The following SLC2A13 variants were observed in gnomAD, a reference collection of about 807,000 sequenced individuals.
SLC2A13 encodes the protein solute carrier family 2 member 13.
Under a neutral mutation model 64.4 loss-of-function variants are expected in SLC2A13, and 32 were observed. That is an observed-to-expected ratio of 0.50 (90% CI 0.37 to 0.67). The LOEUF (loss-of-function observed/expected upper bound fraction) is 0.67, where lower values mean the gene tolerates loss of function less well. Among genes scored for constraint, SLC2A13 ranks in the 30% least tolerant of loss-of-function variants. SLC2A13 has a pLI of 0.00. For missense variants in SLC2A13, 743 were observed against 829.2 expected, an observed-to-expected ratio of 0.90 and a Z score of 1.28; for synonymous variants, 338 against 327.1, an observed-to-expected ratio of 1.03 and a Z score of -0.36.
Position 39,951,365 on chromosome 12 carries a change from G to A in SLC2A13, c.926C>T (p.Ala309Val). The A allele has an allele frequency of 6.5e-7, 1 of 1,536,954 alleles. No homozygotes were observed. The highest frequency in any genetic ancestry group is 8.7e-7 in the Non-Finnish European group (1 of 1,148,514). ...IEEEEKEVGS[A>V]GPVICRMLSY... ...CAGCATTCTGCAGATCACAGGTCCAGCTTTTTTAAGAAAGAAAGAAAAAAA... is the reference window on the plus strand; with the variant it reads ...CAGCATTCTGCAGATCACAGGTCCAACTTTTTTAAGAAAGAAAGAAAAAAA... The change falls in exon 4 of 10, where the codon GCT (alanine) becomes GTT (valine). Residue 309 changes from alanine to valine, a missense_variant and splice_region_variant. Ala to Val is a moderately conservative substitution (Grantham distance 64). Coordinates refer to ENST00000280871, the MANE Select transcript of SLC2A13 (RefSeq NM_052885.4).
At chr12:39,770,722 A>T (rs1473400287) in intron 7 of SLC2A13, among the ~76,000 whole-genome samples, 1 of 152,152 alleles carries the variant, frequency 6.6e-6, no homozygotes, top group Non-Finnish European at 1.5e-5. Context: ...GCCCCTCATG[A>T]CATTTCTATT....
chr12:40,097,363 C>G (rs1011226449), intron 1 of SLC2A13, among the ~76,000 whole-genome samples: 2 of 151,796 alleles, frequency 1.3e-5, no homozygotes, highest in Admixed American at 6.6e-5. Flanking sequence ...GTGTGTTTAG[C>G]AAAAACAAAT....
At chr12:39,956,192 T>C (rs1461437099) in intron 3 of SLC2A13, among the ~76,000 whole-genome samples, 1 of 152,082 alleles carries the variant, frequency 6.6e-6, no homozygotes, top group Non-Finnish European at 1.5e-5. Flanking sequence ...ATAGCCTGAG[T>C]AGCCAGCCCT....
intron 4 of SLC2A13, among the ~76,000 whole-genome samples, chr12:39,883,948 G>A (rs1944408226): frequency 6.6e-6 from 1 of 152,056 alleles, no homozygotes; most frequent in East Asian, 1.9e-4. Flanking sequence ...AAAACGTTTA[G>A]ACAGACTATC....
intron 7 of SLC2A13, among the ~76,000 whole-genome samples, chr12:39,809,324 G>A (rs1293926772): frequency 2.0e-5 from 3 of 152,106 alleles, no homozygotes; most frequent in Admixed American, 1.3e-4. Flanking sequence ...TTTATAGTAA[G>A]TCTTGAAATC....
chr12:40,015,623 C>G (rs1411249877), intron 3 of SLC2A13, among the ~76,000 whole-genome samples: 1 of 152,210 alleles, frequency 6.6e-6, no homozygotes, highest in African/African-American at 2.4e-5. Flanking sequence ...CAACACTCTC[C>G]CTCCTCCACT....
chr12:39,942,253 G>A (rs1475130107), intron 4 of SLC2A13, among the ~76,000 whole-genome samples: 2 of 152,064 alleles, frequency 1.3e-5, no homozygotes, highest in African/African-American at 2.4e-5. Context: ...GAAGAATGAT[G>A]GTGGTAGTCT....
At chr12:39,838,583 A>G (rs1943090702) in intron 6 of SLC2A13, among the ~76,000 whole-genome samples, 2 of 151,916 alleles carry the variant, frequency 1.3e-5, no homozygotes, top group African/African-American at 2.4e-5. Context: ...TATTTAGAAC[A>G]AAACTGGCTC....
intron 4 of SLC2A13, among the ~76,000 whole-genome samples, chr12:39,892,193 C>T (rs1944629473): frequency 6.6e-6 from 1 of 152,184 alleles, no homozygotes; most frequent in Admixed American, 6.5e-5. Context: ...GCAGCCATAG[C>T]TATATTTCTG....
intron 1 of SLC2A13, among the ~76,000 whole-genome samples, chr12:40,061,464 A>G (rs994123779): frequency 2.6e-5 from 4 of 152,146 alleles, no homozygotes; most frequent in African/African-American, 9.6e-5. Flanking sequence ...CTAGAAATAT[A>G]GAGGGTCATT....
chr12:40,057,036 G>T (rs1948343787), intron 1 of SLC2A13, among the ~76,000 whole-genome samples: 1 of 151,722 alleles, frequency 6.6e-6, no homozygotes, highest in South Asian at 2.1e-4. Context: ...CCATGAGGAG[G>T]GAATCAAATA....
chr12:39,787,079 A>G (rs1031793459), intron 7 of SLC2A13, among the ~76,000 whole-genome samples: 1 of 152,178 alleles, frequency 6.6e-6, no homozygotes, highest in Non-Finnish European at 1.5e-5. Flanking sequence ...CCTCTGATCT[A>G]TGTATCAGGA....
intron 3 of SLC2A13, among the ~76,000 whole-genome samples, chr12:40,017,120 A>C (rs968502435): frequency 2.2e-4 from 34 of 152,170 alleles, no homozygotes; most frequent in African/African-American, 8.0e-4. Flanking sequence ...CCTCCTCCAA[A>C]TCTCAGGAGT....
At chr12:40,059,889 A>G (rs1031196737) in intron 1 of SLC2A13, among the ~76,000 whole-genome samples, 2 of 152,154 alleles carry the variant, frequency 1.3e-5, no homozygotes, top group Non-Finnish European at 2.9e-5. Flanking sequence ...CTTATAATCC[A>G]CAATGGAAGA....
At chr12:39,803,415 A>G (rs918511203) in intron 7 of SLC2A13, among the ~76,000 whole-genome samples, 1 of 152,200 alleles carries the variant, frequency 6.6e-6, no homozygotes, top group African/African-American at 2.4e-5. Context: ...ACTTTAGACC[A>G]TAAAACTATC....
At chr12:39,980,218 C>A (rs1481334687) in intron 3 of SLC2A13, among the ~76,000 whole-genome samples, 1 of 152,072 alleles carries the variant, frequency 6.6e-6, no homozygotes, top group Non-Finnish European at 1.5e-5. Flanking sequence ...ACTGCAAAAT[C>A]ATGCCAAAAT....
chr12:39,873,173 A>G lies in SLC2A13; in HGVS notation c.1035-1212T>C, dbSNP rs559002460. ...TTTTTTAAATTAATAAACCAAACCT[A>G]TAAATTAACTATGTAGCATGAAGGA... is the stretch of plus-strand genomic sequence containing the variant. On this transcript the variant is annotated intron_variant, in intron 4 of 9. Coordinates refer to ENST00000280871, the MANE Select transcript of SLC2A13 (RefSeq NM_052885.4). 3.3e-5 allele frequency among the ~76,000 whole-genome samples: 5 copies of G among 152,316 alleles called. No homozygotes were observed. In the East Asian group the frequency reaches 9.6e-4, roughly 29 times the overall value.
intron 4 of SLC2A13, among the ~76,000 whole-genome samples, chr12:39,920,962 T>A (rs1223658821): frequency 6.6e-6 from 1 of 152,022 alleles, no homozygotes; most frequent in Non-Finnish European, 1.5e-5. Context: ...TTCAGCACTA[T>A]GCACATCAGC....
intron 4 of SLC2A13, among the ~76,000 whole-genome samples, chr12:39,934,423 CA>C (rs1945883902): frequency 6.6e-6 from 1 of 152,188 alleles, no homozygotes; most frequent in Non-Finnish European, 1.5e-5. Flanking sequence ...TGTGGAGCAG[CA>C]GGGAATGCAG....
Sources: allele counts gnomAD v4.1 joint callset (sites outside exome capture counted in the v4.1 genomes callset), GRCh38; gene constraint gnomAD v4.1.1; transcripts MANE v1.5; gene names NCBI Gene and HGNC (gene_info 2026-07-23, HGNC 2026-07-21).